P2RY12: variants seen among roughly 807,000 people sequenced by gnomAD.
P2RY12 encodes purinergic receptor P2Y12.
P2RY12 carries 3 observed loss-of-function variants against 4.5 expected under a neutral mutation model. The ratio of observed to expected loss-of-function variants is 0.67; its 90% CI spans 0.31 to 1.74. The LOEUF is 1.74. Among genes scored for constraint, P2RY12 ranks in the 40% most tolerant of loss-of-function variants. P2RY12 has a pLI of 0.09. For synonymous variants in P2RY12, 148 were observed against 154.1 expected (o/e 0.96, Z 0.29); for missense variants, 356 against 407.8 (o/e 0.87, Z 1.09).
chr3:151,369,379 T>C (rs574286881), intron 1 of P2RY12: 265 of 1,229,582 alleles, frequency 2.2e-4, no homozygotes, highest in Non-Finnish European at 3.0e-4. Context: ...CTGTAAATAA[T>C]TACAAAACAT....
rs1176355345 is a variant in P2RY12, at chr3:151,337,020, A to G, written c.*797T>C. ...TTAACCTAATTAGCAGCTATTTTCT[A>G]GAAGCTAATTAATAAAGGTAAGTGT... is the stretch of plus-strand genomic sequence containing the variant. On this transcript the variant is annotated 3_prime_UTR_variant, in exon 3 of 3. Transcript: ENST00000302632. 6.6e-6 allele frequency: 1 copy of G among 152,266 alleles called. No individual in the cohort carries two copies. Among genetic ancestry groups the G allele is most frequent in the African/African-American group, 2.4e-5 (1 of 41,458 alleles). 9.4% of individuals were successfully genotyped at this position (152,266 alleles called of 1,614,324 possible). A position where few individuals can be genotyped will look rare whatever the true frequency, so the allele number is the denominator to read the frequency against.
At chr3:151,357,391 T>C (rs1754059990) in intron 1 of P2RY12, 3 of 1,546,698 alleles carry the variant, frequency 1.9e-6, no homozygotes, top group Non-Finnish European at 2.6e-6. Context: ...GTATATAGCA[T>C]GTCATTGTTG....
At chr3:151,383,066 T>C in intron 1 of P2RY12, among the ~76,000 whole-genome samples, 1 of 152,374 alleles carries the variant, frequency 6.6e-6, no homozygotes, top group East Asian at 1.9e-4. Flanking sequence ...TAGCTTCTAC[T>C]ATACTTACTT....
At chr3:151,371,247 A>T (rs1351530964) in intron 1 of P2RY12, among the ~76,000 whole-genome samples, 2 of 152,130 alleles carry the variant, frequency 1.3e-5, no homozygotes, top group Non-Finnish European at 2.9e-5. Context: ...ATATATTTTG[A>T]GTTAGGGAGA....
At chr3:151,356,609 T>G (rs140497317) in intron 1 of P2RY12, among the ~76,000 whole-genome samples, 2 of 152,258 alleles carry the variant, frequency 1.3e-5, no homozygotes, top group East Asian at 3.8e-4. Flanking sequence ...GTGAGAGTTT[T>G]GAGTGTTTCT....
chr3:151,368,311 G>A (rs1473022995), intron 1 of P2RY12: 7 of 1,419,748 alleles, frequency 4.9e-6, no homozygotes, highest in African/African-American at 1.4e-5. Flanking sequence ...TTTCTAAAAT[G>A]ACCAAATAGG....
At position 151,358,781 on chromosome 3, in the gene P2RY12, G is replaced by A. The variant is rs138985934; in HGVS notation, c.-179-18021C>T. ...TTATGTGAACAGTACACTGGATTAC[G>A]ATGTGAAATGTTTTTCTTATTGCTT... On this transcript the variant is annotated intron_variant, in intron 1 of 2. Coordinates refer to ENST00000302632, the MANE Select transcript of P2RY12 (RefSeq NM_022788.5). Among the ~76,000 whole-genome samples, 828 of 152,176 alleles carry A rather than the reference G, an allele frequency of 5.4e-3. 12 individuals carry two copies. The highest frequency in any genetic ancestry group is 0.018 in the African/African-American group (762 of 41,514).
intron 1 of P2RY12, chr3:151,376,128 C>G: frequency 6.2e-7 from 1 of 1,611,106 alleles, no homozygotes; most frequent in Non-Finnish European, 8.5e-7. Context: ...ACAGAAATTA[C>G]TGCAGCTTAT....
intron 1 of P2RY12, among the ~76,000 whole-genome samples, chr3:151,376,487 A>G (rs1461744125): frequency 6.6e-6 from 1 of 152,208 alleles, no homozygotes; most frequent in Non-Finnish European, 1.5e-5. Context: ...TAAATATATT[A>G]TTAAAGAAAT....
chr3:151,360,198 A>G (rs935627671), intron 1 of P2RY12, among the ~76,000 whole-genome samples: 24 of 152,100 alleles, frequency 1.6e-4, no homozygotes, highest in African/African-American at 5.3e-4. Context: ...TAATCGGTGG[A>G]TTCCTCCATA....
At chr3:151,361,216 A>C (rs1278500622) in intron 1 of P2RY12, among the ~76,000 whole-genome samples, 2 of 152,208 alleles carry the variant, frequency 1.3e-5, no homozygotes, top group Non-Finnish European at 2.9e-5. Flanking sequence ...GAACTTTTTC[A>C]GACTGTGTTT....
chr3:151,383,544 T>C (rs762528450), intron 1 of P2RY12, among the ~76,000 whole-genome samples: 5 of 152,196 alleles, frequency 3.3e-5, no homozygotes, highest in Non-Finnish European at 5.9e-5. Flanking sequence ...GTGCCCACAT[T>C]CAGATACTCA....
chr3:151,383,996 A>C, intron 1 of P2RY12: 1 of 1,513,954 alleles, frequency 6.6e-7, no homozygotes, highest in Non-Finnish European at 9.0e-7. Context: ...ATGCTATTAA[A>C]AATTCTGTGC....
rs1355258903 is a variant in P2RY12 at position 151,374,562 on chromosome 3, A to G, written c.-180+10130T>C. On this transcript the variant is annotated intron_variant, in intron 1 of 2. Coordinates refer to ENST00000302632, the MANE Select transcript of P2RY12 (RefSeq NM_022788.5). ...GACTCTGTCTCAAAGAAAGAAAGAA[A>G]GAAAGAAAGAAATGTTACACACATA... Among the ~76,000 whole-genome samples, 4 of 152,136 alleles carry G rather than the reference A, an allele frequency of 2.6e-5. No homozygotes were observed. The East Asian group carries it at 7.7e-4, about 29-fold the overall frequency.
chr3:151,365,296 A>G, intron 1 of P2RY12: 2 of 1,065,342 alleles, frequency 1.9e-6, no homozygotes, highest in Non-Finnish European at 2.9e-6. Context: ...AAGTGTCTGG[A>G]CTCACATTTG....
intron 1 of P2RY12, among the ~76,000 whole-genome samples, chr3:151,359,810 G>A (rs1754385240): frequency 6.6e-6 from 1 of 152,140 alleles, no homozygotes; most frequent in Non-Finnish European, 1.5e-5. Context: ...TAGGTGAATG[G>A]ACCACAAGTG....
intron 1 of P2RY12, chr3:151,372,779 A>G: frequency 6.2e-7 from 1 of 1,607,500 alleles, no homozygotes; most frequent in Admixed American, 1.7e-5. Context: ...ATTCTAATTT[A>G]ATTTGCCTTT....
chr3:151,365,222 C>G (rs771866412), intron 1 of P2RY12: 10 of 1,598,914 alleles, frequency 6.3e-6, no homozygotes, highest in East Asian at 4.5e-5. Flanking sequence ...ATGGGTTACC[C>G]TGGAATTCAT....
chr3:151,337,787 G>T lies in P2RY12; in HGVS notation c.*30C>A, dbSNP rs1218439724. On this transcript the variant is annotated 3_prime_UTR_variant, in exon 3 of 3. Transcript: ENST00000302632. ...TGCTTTAACGAGTTCTGAACACAAA[G>T]AGATTGAAATATTTCCTTAGTTAAT... 1 of 1,606,214 alleles carries T rather than the reference G, an allele frequency of 6.2e-7. No homozygotes were observed. The highest frequency in any genetic ancestry group is 1.3e-5 in the African/African-American group (1 of 74,774).
Sources: allele counts gnomAD v4.1 joint callset (sites outside exome capture counted in the v4.1 genomes callset), GRCh38; gene constraint gnomAD v4.1.1; transcripts MANE v1.5; gene names NCBI Gene and HGNC (gene_info 2026-07-23, HGNC 2026-07-21).